Variants in PDXDC1 observed in about 807,000 individuals in gnomAD.
PDXDC1 encodes pyridoxal dependent decarboxylase domain containing 1.
In PDXDC1, 42 loss-of-function variants were observed where a neutral mutation model predicts 100.1. That is an observed-to-expected ratio of 0.42 (90% CI 0.33 to 0.54). The LOEUF is 0.54. Ranked by LOEUF, PDXDC1 falls within the 20% of genes least tolerant of loss-of-function variation. PDXDC1 has a pLI of 0.10. For missense variants in PDXDC1, 636 were observed against 979.2 expected (o/e 0.65, Z 4.68); for synonymous variants, 260 against 371.7 (o/e 0.70, Z 3.46).
intron 16 of PDXDC1, among the ~76,000 whole-genome samples, chr16:15,055,083 A>G (rs144494487): frequency 6.6e-6 from 1 of 152,212 alleles, no homozygotes; most frequent in East Asian, 1.9e-4. Flanking sequence ...TGCCCAACAG[A>G]TATTAGGGGC....
chr16:15,132,471 C>T (rs942494664), intron 16 of PDXDC1, among the ~76,000 whole-genome samples: 2 of 147,956 alleles, frequency 1.4e-5, no homozygotes, highest in Admixed American at 1.3e-4. Context: ...AGAACAGCAT[C>T]TTCTTAGTCC....
intron 1 of PDXDC1, among the ~76,000 whole-genome samples, chr16:14,992,156 G>C (rs1475078150): frequency 6.6e-6 from 1 of 152,288 alleles, no homozygotes; most frequent in Admixed American, 6.5e-5. Flanking sequence ...CAAGCATTCT[G>C]TCCCATTGTC....
At chr16:15,007,963 A>C (rs1376012726) in intron 6 of PDXDC1, among the ~76,000 whole-genome samples, 1 of 152,278 alleles carries the variant, frequency 6.6e-6, no homozygotes, top group Non-Finnish European at 1.5e-5. Context: ...AAAATACGTA[A>C]ATTTATACCT....
intron 16 of PDXDC1, chr16:15,133,193 G>C: frequency 9.3e-7 from 1 of 1,071,776 alleles, no homozygotes; most frequent in Non-Finnish European, 1.4e-6. Flanking sequence ...CAAAGCTCCA[G>C]GCAGGGGTAC....
chr16:15,096,275 A>G (rs909707919), intron 16 of PDXDC1, among the ~76,000 whole-genome samples: 4 of 151,690 alleles, frequency 2.6e-5, no homozygotes, highest in African/African-American at 9.7e-5. Context: ...TGCCCAGCTA[A>G]TTTTTGTATT....
At chr16:15,030,633 G>C (rs1352880205) in intron 16 of PDXDC1, among the ~76,000 whole-genome samples, 1 of 150,644 alleles carries the variant, frequency 6.6e-6, no homozygotes, top group African/African-American at 2.4e-5. Context: ...ACCCAGGCTG[G>C]AGTGCAGTGG....
Position 14,988,958 on chromosome 16 carries a change from G to A in PDXDC1, c.22-8795G>A, listed in dbSNP as rs573738552. ...TCTCGGCGTGCATGGTGGCGTGCCC[G>A]CTGAAGCGGTGATCTTCATAGTTGA... On this transcript the variant is annotated intron_variant, in intron 1 of 22. Transcript: ENST00000396410. 91 of 1,613,858 alleles carry A rather than the reference G, an allele frequency of 5.6e-5. No homozygotes were observed. The Admixed American group carries it at 1.4e-3, about 24-fold the overall frequency.
intron 16 of PDXDC1, among the ~76,000 whole-genome samples, chr16:15,098,953 C>T (rs890134385): frequency 6.6e-6 from 1 of 152,136 alleles, no homozygotes; most frequent in African/African-American, 2.4e-5. Flanking sequence ...ATCTCTCTAG[C>T]CAGTGTCGAT....
intron 16 of PDXDC1, chr16:15,131,240 G>A: frequency 6.3e-7 from 1 of 1,591,574 alleles, no homozygotes; most frequent in Non-Finnish European, 8.5e-7. Flanking sequence ...GAGTTGTTGG[G>A]CACCTTCACG....
chr16:14,993,509 A>G (rs1388069630), intron 1 of PDXDC1, among the ~76,000 whole-genome samples: 1 of 152,286 alleles, frequency 6.6e-6, no homozygotes, highest in African/African-American at 2.4e-5. Flanking sequence ...TCCATGGTGT[A>G]TATGTGCCAC....
chr16:15,032,017 T>C (rs1407212576), intron 17 of PDXDC1, 111 bp downstream of exon 17: 1 of 965,422 alleles, frequency 1.0e-6, no homozygotes, highest in East Asian at 2.7e-5. Flanking sequence ...AGTCACAATA[T>C]GCTTAACGAA....
chr16:15,133,746 G>C (rs376544846), intron 16 of PDXDC1: 163 of 1,596,722 alleles, frequency 1.0e-4, no homozygotes, highest in Middle Eastern at 6.8e-4. Flanking sequence ...GCTCCGTGAC[G>C]TCACAGTCGG....
intron 16 of PDXDC1, among the ~76,000 whole-genome samples, chr16:15,090,879 T>C (rs959756684): frequency 2.4e-4 from 37 of 151,888 alleles, no homozygotes; most frequent in South Asian, 4.1e-4. Context: ...GTTTGTTTTT[T>C]TTTTTTTTTT....
At chr16:14,998,277 T>C in intron 2 of PDXDC1, 63 bp from the exon 3 acceptor site, 2 of 1,555,630 alleles carry the variant, frequency 1.3e-6, no homozygotes, top group African/African-American at 1.4e-5. Context: ...TGTTTGCATA[T>C]TCAGGAGTTA....
At chr16:15,101,861 T>G (rs2046561287) in intron 16 of PDXDC1, among the ~76,000 whole-genome samples, 2 of 151,676 alleles carry the variant, frequency 1.3e-5, no homozygotes, top group South Asian at 4.2e-4. Flanking sequence ...GTGTTTTTAT[T>G]GTCTCGAGAC....
the PDXDC1 span, among the ~76,000 whole-genome samples, chr16:15,151,952 A>AC: frequency 1.7e-5 from 2 of 117,264 alleles, no homozygotes; most frequent in African/African-American, 5.6e-5. Context: ...AAAAAAAAAA[A>AC]ACACATGGGT....
the PDXDC1 span, among the ~76,000 whole-genome samples, chr16:15,150,284 TGAGCCGA>T: frequency 6.6e-6 from 1 of 151,268 alleles, no homozygotes; most frequent in East Asian, 1.9e-4. Context: ...GAGCTTGCAG[TGAGCCGA>T]GATGGCACTG....
chr16:15,019,429 G>C (rs1363488829), intron 12 of PDXDC1, among the ~76,000 whole-genome samples: 2 of 152,268 alleles, frequency 1.3e-5, no homozygotes, highest in Non-Finnish European at 2.9e-5. Flanking sequence ...CTCCATTTTA[G>C]GTGTGTTCTA....
downstream of PDXDC1, chr16:15,038,739 A>C (rs772173311): frequency 3.1e-6 from 3 of 973,326 alleles, no homozygotes; most frequent in Non-Finnish European, 4.9e-6. Context: ...CCCACTTTTC[A>C]AACCCTCCCA....
Sources: gnomAD v4.1 joint callset for allele counts (sites outside exome capture counted in the v4.1 genomes callset) on GRCh38, gnomAD v4.1.1 for gene constraint, MANE v1.5 for transcripts, NCBI Gene and HGNC (gene_info 2026-07-23, HGNC 2026-07-21) for gene names.